Variants in LAMP1 observed in about 807,000 individuals in gnomAD.
LAMP1 encodes lysosome-associated membrane glycoprotein 1.
Under a neutral mutation model 37.5 loss-of-function variants are expected in LAMP1, and 7 were observed. That is an observed-to-expected ratio of 0.19 (90% CI 0.11 to 0.35). The LOEUF is 0.35. Ranked by LOEUF, LAMP1 falls within the 10% of genes least tolerant of loss-of-function variation. LAMP1 has a pLI of 1.00. For synonymous variants in LAMP1, 236 were observed against 229.1 expected (o/e 1.03, Z -0.27); for missense variants, 537 against 552.8 (o/e 0.97, Z 0.29).
chr13:113,310,152 CCAGGAGG>C (rs2042622285), intron 3 of LAMP1, among the ~76,000 whole-genome samples: 1 of 151,928 alleles, frequency 6.6e-6, no homozygotes, highest in Non-Finnish European at 1.5e-5. Context: ...TCGCTTGAAC[CCAGGAGG>C]CAGAGGTTGC....
chr13:113,316,713 G>A (rs1352683314), intron 4 of LAMP1, among the ~76,000 whole-genome samples: 2 of 152,170 alleles, frequency 1.3e-5, no homozygotes, highest in African/African-American at 4.8e-5. Flanking sequence ...GAGCCACCGT[G>A]CCCAGCTGCA....
chr13:113,313,983 G>A (rs1443251439), intron 4 of LAMP1, among the ~76,000 whole-genome samples: 5 of 104,120 alleles, frequency 4.8e-5, no homozygotes, highest in Non-Finnish European at 7.5e-5. Context: ...GTGGCCTCCT[G>A]GAGGGAACCA....
chr13:113,300,486 C>CAAAAAAAAAA (rs781688099), intron 1 of LAMP1, among the ~76,000 whole-genome samples: 1 of 60,244 alleles, frequency 1.7e-5, no homozygotes, highest in Non-Finnish European at 3.6e-5. Flanking sequence ...AACTCAATGT[C>CAAAAAAAAAA]AAAAAAAAAA....
In LAMP1 at chr13:113,297,729, T is replaced by C. The variant is rs2042550478; in HGVS notation, c.61+234T>C. On this transcript the variant is annotated intron_variant, in intron 1 of 8. Transcript: ENST00000332556. This position sits in a 1 kb window ranked among gnomAD's most constrained non-coding sequence, Gnocchi z 4.4. ...AGGAGGTCTCATCCCAGGACCTGGC[T>C]CCTCTAAGGTCTGTCTCACTGAACT... 6.6e-6 allele frequency among the ~76,000 whole-genome samples: 1 copy of C among 152,184 alleles called. No homozygotes were observed. The highest frequency in any genetic ancestry group is 2.4e-5 in the African/African-American group (1 of 41,450).
Position 113,297,791 on chromosome 13 carries a change from C to T in LAMP1, c.61+296C>T, listed in dbSNP as rs1012307310. Reference sequence around the variant, plus strand: ...TGGTGGTGAGTGCGAAAGGGAACTTCCGATGGCTTGCTCGGCGGTCTGGTG... The same window carrying T: ...TGGTGGTGAGTGCGAAAGGGAACTTTCGATGGCTTGCTCGGCGGTCTGGTG... On this transcript the variant is annotated intron_variant, in intron 1 of 8. Coordinates refer to ENST00000332556, the MANE Select transcript of LAMP1 (RefSeq NM_005561.4). This position sits in a 1 kb window ranked among gnomAD's most constrained non-coding sequence, Gnocchi z 4.4. Among the ~76,000 whole-genome samples the T allele has an allele frequency of 7.2e-5, 11 of 152,210 alleles. No individual in the cohort carries two copies. The highest frequency in any genetic ancestry group is 2.6e-4 in the Admixed American group (4 of 15,286).
Position 113,321,907 on chromosome 13 carries a change from CGT to C in LAMP1, c.1114+183_1114+184del, listed in dbSNP as rs1566405481. On this transcript the variant is annotated intron_variant, in intron 8 of 8. Transcript: ENST00000332556. This position sits in a 1 kb window ranked among gnomAD's most constrained non-coding sequence, Gnocchi z 5.6. The stretch of plus-strand genomic sequence containing the variant: ...CTCCCCCTGCTTTAGAGAGGCCCAG[CGT>C]GTCTCTCAGCTGGGAGCCCCTGGTA... The C allele has an allele frequency of 1.6e-6, 1 of 634,472 alleles. No individual in the cohort carries two copies. Among genetic ancestry groups the C allele is most frequent in the African/African-American group, 1.8e-5 (1 of 54,446 alleles). 39.3% of individuals were successfully genotyped at this position (634,472 alleles called of 1,614,324 possible). A position where few individuals can be genotyped will look rare whatever the true frequency, so the allele number is the denominator to read the frequency against.
intron 4 of LAMP1, among the ~76,000 whole-genome samples, chr13:113,314,117 G>A (rs1176605902): frequency 8.7e-6 from 1 of 114,920 alleles, no homozygotes; most frequent in Non-Finnish European, 1.7e-5. Flanking sequence ...TGCCTGGGGC[G>A]TGGCCTCCCG....
At chr13:113,322,162 G>T (rs770815785) in intron 8 of LAMP1, 120 bp from the exon 9 acceptor site, 8 of 1,187,880 alleles carry the variant, frequency 6.7e-6, no homozygotes, top group Non-Finnish European at 9.4e-6. Flanking sequence ...GCTAGAGCTG[G>T]AACCTTCCGC....
Position 113,303,578 on chromosome 13 carries a change from C to A in LAMP1, c.62-2907C>A, listed in dbSNP as rs74471067. On this transcript the variant is annotated intron_variant, in intron 1 of 8. Transcript: ENST00000332556. ...GTTGTGGAGGTTTTTAAAAAAACTT[C>A]TGACCCTTATAGCATACATACATTT... Among the ~76,000 whole-genome samples, 372 of 150,936 alleles carry A rather than the reference C, an allele frequency of 2.5e-3. 3 individuals are homozygous for A. Among genetic ancestry groups the A allele is most frequent in the African/African-American group, 8.6e-3 (354 of 41,024 alleles).
intron 4 of LAMP1, among the ~76,000 whole-genome samples, chr13:113,318,392 C>T (rs138381985): frequency 1.5e-3 from 226 of 152,252 alleles, no homozygotes; most frequent in African/African-American, 5.3e-3. Flanking sequence ...GTGGGGCTCA[C>T]GCGTGGTGAC....
chr13:113,306,453 T>A lies in LAMP1; in HGVS notation c.62-32T>A, dbSNP rs201320872. The A allele has an allele frequency of 1.9e-6, 3 of 1,607,794 alleles. No individual in the cohort carries two copies. In the East Asian group the frequency reaches 6.7e-5, roughly 36 times the overall value. ...CTCGGTCGTATTTTCTGGACAGTTT[T>A]TGATGGTCTCCGTCTTCCCTGGAAT... is the stretch of plus-strand genomic sequence containing the variant. On this transcript the variant is annotated intron_variant, in intron 1 of 8. Coordinates refer to ENST00000332556, the MANE Select transcript of LAMP1 (RefSeq NM_005561.4).
chr13:113,300,815 A>C (rs910828781), intron 1 of LAMP1, among the ~76,000 whole-genome samples: 1 of 152,200 alleles, frequency 6.6e-6, no homozygotes, highest in African/African-American at 2.4e-5. Flanking sequence ...CTCCATCTCA[A>C]AAAAACAAAG....
rs1451172963 is a variant in LAMP1 at position 113,321,824 on chromosome 13, G to A, written c.1114+97G>A. On this transcript the variant is annotated intron_variant, in intron 8 of 8. Coordinates refer to ENST00000332556, the MANE Select transcript of LAMP1 (RefSeq NM_005561.4). The surrounding 1 kb of genome is among the most constrained non-coding windows in gnomAD (Gnocchi z 5.6). ...TCGCTTCCGTGTGGGCTGGGGCGAC[G>A]CCCCTGTTCCTCTGCAAGGAGCTGT... 13 of 1,229,132 alleles carry A rather than the reference G, an allele frequency of 1.1e-5. No homozygotes were observed. Among genetic ancestry groups the A allele is most frequent in the Admixed American group, 8.0e-5 (4 of 50,120 alleles). 76.1% of individuals were successfully genotyped at this position (1,229,132 alleles called of 1,614,324 possible). A position where few individuals can be genotyped will look rare whatever the true frequency, so the allele number is the denominator to read the frequency against.
chr13:113,317,192 G>A (rs2042670226), intron 4 of LAMP1, among the ~76,000 whole-genome samples: 1 of 152,184 alleles, frequency 6.6e-6, no homozygotes, highest in African/African-American at 2.4e-5. Context: ...GGTGCTGGAG[G>A]AGGTGTGACA....
At chr13:113,309,238 C>T (rs995649756) in intron 2 of LAMP1, among the ~76,000 whole-genome samples, 6 of 151,908 alleles carry the variant, frequency 3.9e-5, no homozygotes, top group African/African-American at 1.5e-4. Context: ...GTAGCTGGGA[C>T]GACAGGCAGA....
At position 113,320,495 on chromosome 13, in the gene LAMP1, G is replaced by C. The variant is rs1292917284; in HGVS notation, c.876+25G>C. On this transcript the variant is annotated intron_variant, in intron 6 of 8. Coordinates refer to ENST00000332556, the MANE Select transcript of LAMP1 (RefSeq NM_005561.4). This position sits in a 1 kb window ranked among gnomAD's most constrained non-coding sequence, Gnocchi z 4.4. ...GGTGAGGCTGGGGCGGCACCTCTCTGGGGGCGCCCACTGTGTCTCCACCAC... is the reference window on the plus strand; with the variant it reads ...GGTGAGGCTGGGGCGGCACCTCTCTCGGGGCGCCCACTGTGTCTCCACCAC... 6.3e-7 allele frequency: 1 copy of C among 1,599,672 alleles called. No individual in the cohort carries two copies. The highest frequency in any genetic ancestry group is 1.1e-5 in the South Asian group (1 of 90,980).
chr13:113,300,264 T>C (rs1374831053), intron 1 of LAMP1, among the ~76,000 whole-genome samples: 1 of 151,604 alleles, frequency 6.6e-6, no homozygotes, highest in Non-Finnish European at 1.5e-5. Context: ...GCGGATCAGC[T>C]GAAGTCAGGG....
At chr13:113,314,872 G>A (rs2042652067) in intron 4 of LAMP1, among the ~76,000 whole-genome samples, 1 of 128,578 alleles carries the variant, frequency 7.8e-6, no homozygotes. Flanking sequence ...GGAGATGCCA[G>A]TGTGCCTGGG....
In LAMP1 at chr13:113,321,494, G is replaced by T; in HGVS notation, c.943+24G>T. On this transcript the variant is annotated intron_variant, in intron 7 of 8. Coordinates refer to ENST00000332556, the MANE Select transcript of LAMP1 (RefSeq NM_005561.4). This position sits in a 1 kb window ranked among gnomAD's most constrained non-coding sequence, Gnocchi z 5.6. ...AGGTGAGAACCCACAATCTCTGCGA[G>T]CCCCGCCCCCGCCCGCGCGCCCAGG... is the stretch of plus-strand genomic sequence containing the variant. 9 of 1,613,464 alleles carry T rather than the reference G, an allele frequency of 5.6e-6. No individual in the cohort carries two copies. The highest frequency in any genetic ancestry group is 7.6e-6 in the Non-Finnish European group (9 of 1,179,760).
Sources: gnomAD v4.1 joint callset for allele counts (sites outside exome capture counted in the v4.1 genomes callset) on GRCh38, gnomAD v4.1.1 for gene constraint, Gnocchi (gnomAD v3.1) non-coding constraint, MANE v1.5 for transcripts, NCBI Gene and HGNC (gene_info 2026-07-23, HGNC 2026-07-21) for gene names.